Variants in KLHL3 observed in about 807,000 individuals in gnomAD.
KLHL3 encodes kelch like family member 3.
Under a neutral mutation model 70.5 loss-of-function variants are expected in KLHL3, and 19 were observed. The observed-to-expected ratio is 0.27, with a 90% CI of 0.19 to 0.40. The LOEUF is 0.40. Ranked by LOEUF, KLHL3 falls within the 10% of genes least tolerant of loss-of-function variation. The probability of loss-of-function intolerance (pLI) is 1.00; values close to 1 mark genes in which losing one functional copy is unlikely to be tolerated. For missense variants in KLHL3, 512 were observed against 771.1 expected (o/e 0.66, Z 3.98); for synonymous variants, 258 against 290.3 (o/e 0.89, Z 1.13).
intron 6 of KLHL3, among the ~76,000 whole-genome samples, chr5:137,662,240 TACACACACACACACACACACACACAC>T (rs138942924): frequency 7.1e-6 from 1 of 141,768 alleles, no homozygotes; most frequent in Non-Finnish European, 1.5e-5. Context: ...ACACACACTC[TACACACACACACACACACACACACAC>T]ACACACACAC....
Position 137,683,422 on chromosome 5 carries a change from A to G in KLHL3, c.527-5768T>C, listed in dbSNP as rs548474155. ...AAAATGGAAACATTTTGGCAGGGTG[A>G]AAAAACAAAACCACAGAACTGCCTT... On this transcript the variant is annotated intron_variant, in intron 5 of 14. Coordinates refer to ENST00000309755, the MANE Select transcript of KLHL3 (RefSeq NM_017415.3). Among the ~76,000 whole-genome samples, 97 of 152,304 alleles carry G rather than the reference A, an allele frequency of 6.4e-4. 1 individual carries two copies. The highest frequency in any genetic ancestry group is 2.0e-3 in the African/African-American group (85 of 41,566).
rs377137146 is a variant in KLHL3, at chr5:137,688,003, T to C, written c.526+4282A>G. Among the ~76,000 whole-genome samples, 3 of 41,918 alleles carry C rather than the reference T, an allele frequency of 7.2e-5. 1 individual carries two copies. Among genetic ancestry groups the C allele is most frequent in the African/African-American group, 3.3e-4 (3 of 9,084 alleles). The allele number at this position is 41,918 out of a possible 152,430, so 27.5% of individuals were successfully genotyped here. ...AAGAGTCATCACCACTCCCTAATCT[T>C]AAGTACCCAGGGACACAAACACTTC... is the stretch of plus-strand genomic sequence containing the variant. On this transcript the variant is annotated intron_variant, in intron 5 of 14. Coordinates refer to ENST00000309755, the MANE Select transcript of KLHL3 (RefSeq NM_017415.3).
chr5:137,635,603 CCAGA>C (rs1265881482), intron 11 of KLHL3, among the ~76,000 whole-genome samples: 4 of 152,118 alleles, frequency 2.6e-5, no homozygotes, highest in Non-Finnish European at 5.9e-5. Context: ...GGAGAGGAAG[CCAGA>C]CAGTGTGGAG....
intron 8 of KLHL3, among the ~76,000 whole-genome samples, chr5:137,649,501 CTG>C (rs1751145585): frequency 2.0e-5 from 3 of 152,210 alleles, no homozygotes; most frequent in African/African-American, 7.2e-5. Context: ...CCTGAAATAA[CTG>C]CACCCCGACC....
At chr5:137,720,616 G>T (rs369865614) in intron 1 of KLHL3, 32 bp from the exon 2 acceptor site, 12 of 1,612,098 alleles carry the variant, frequency 7.4e-6, no homozygotes, top group African/African-American at 2.7e-5. Context: ...GAGGGAAAGA[G>T]AATCACTCAT....
intron 8 of KLHL3, among the ~76,000 whole-genome samples, chr5:137,651,353 T>A (rs1462879948): frequency 6.6e-6 from 1 of 152,202 alleles, no homozygotes; most frequent in Admixed American, 6.5e-5. Context: ...CAAAAAGCAA[T>A]GAAGCCATCA....
intron 6 of KLHL3, among the ~76,000 whole-genome samples, chr5:137,667,261 A>T (rs1191460651): frequency 6.6e-6 from 1 of 152,238 alleles, no homozygotes; most frequent in Non-Finnish European, 1.5e-5. Context: ...AAAGTTTGTC[A>T]ACCCCTGGTC....
At chr5:137,706,086 C>T (rs755930980) in intron 3 of KLHL3, 14 of 985,244 alleles carry the variant, frequency 1.4e-5, no homozygotes, top group South Asian at 4.7e-5. Flanking sequence ...GTCCACAGGA[C>T]AATGGTCAAG....
chr5:137,695,079 C>T (rs1027693877), intron 4 of KLHL3, among the ~76,000 whole-genome samples: 1 of 152,178 alleles, frequency 6.6e-6, no homozygotes, highest in African/African-American at 2.4e-5. Context: ...TCCCCCTTCC[C>T]CTCTTCCAAG....
intron 6 of KLHL3, among the ~76,000 whole-genome samples, chr5:137,674,246 T>C (rs1751831216): frequency 1.3e-5 from 2 of 152,128 alleles, no homozygotes; most frequent in South Asian, 4.1e-4. Flanking sequence ...TCAACAGCTA[T>C]TTTTTTAGTG....
At chr5:137,656,844 G>A (rs1204785453) in intron 8 of KLHL3, among the ~76,000 whole-genome samples, 1 of 152,244 alleles carries the variant, frequency 6.6e-6, no homozygotes, top group Non-Finnish European at 1.5e-5. Context: ...TAAAGACTCA[G>A]TTCAAATGCT....
intron 6 of KLHL3, among the ~76,000 whole-genome samples, chr5:137,671,092 A>T (rs1251690798): frequency 6.6e-6 from 1 of 152,114 alleles, no homozygotes; most frequent in African/African-American, 2.4e-5. Context: ...CTCACTCCTT[A>T]AATCTCTTCA....
chr5:137,649,725 A>G (rs1453704888), intron 8 of KLHL3, among the ~76,000 whole-genome samples: 1 of 152,254 alleles, frequency 6.6e-6, no homozygotes, highest in Non-Finnish European at 1.5e-5. Flanking sequence ...GGATAATTAC[A>G]GTTATGAAAA....
At position 137,696,074 on chromosome 5, in the gene KLHL3, G is replaced by GT. The variant is rs944596022; in HGVS notation, c.363+2212dup. On this transcript the variant is annotated intron_variant, in intron 4 of 14. Coordinates refer to ENST00000309755, the MANE Select transcript of KLHL3 (RefSeq NM_017415.3). ...ATTTTTCATGTGCAGGCCCCGTTTT[G>GT]TTTTTTTTTCTTCCTCAGATAACAT... Among the ~76,000 whole-genome samples, 21 of 151,496 alleles carry GT rather than the reference G, an allele frequency of 1.4e-4. 1 individual carries two copies. Among genetic ancestry groups the GT allele is most frequent in the Middle Eastern group, 3.4e-3 (1 of 294 alleles).
intron 6 of KLHL3, chr5:137,671,944 A>G (rs1751770318): frequency 6.6e-6 from 1 of 152,146 alleles, no homozygotes. Flanking sequence ...TTACTTCAAT[A>G]CAAACTTCCT....
At chr5:137,638,869 G>T in intron 10 of KLHL3, 84 bp downstream of exon 10, 1 of 1,291,240 alleles carries the variant, frequency 7.7e-7, no homozygotes, top group Non-Finnish European at 1.1e-6. Context: ...ACAGAAAGTT[G>T]GTCCAGAACT....
chr5:137,645,114 C>T (rs555200165), intron 8 of KLHL3, among the ~76,000 whole-genome samples: 5 of 152,120 alleles, frequency 3.3e-5, no homozygotes, highest in Non-Finnish European at 7.4e-5. Flanking sequence ...AACTCAACAT[C>T]CCTTCATAAT....
chr5:137,709,631 C>T, intron 3 of KLHL3, 119 bp downstream of exon 3: 1 of 765,796 alleles, frequency 1.3e-6, no homozygotes, highest in Admixed American at 2.1e-5. Context: ...GTAGAGAAGC[C>T]CCTCATAGTG....
chr5:137,734,863 A>G (rs1753235758), intron 1 of KLHL3, among the ~76,000 whole-genome samples: 1 of 152,216 alleles, frequency 6.6e-6, no homozygotes, highest in Non-Finnish European at 1.5e-5. Flanking sequence ...TGAAAGATTC[A>G]GATCTTCAGA....
Sources: allele counts gnomAD v4.1 joint callset (sites outside exome capture counted in the v4.1 genomes callset), GRCh38; gene constraint gnomAD v4.1.1; transcripts MANE v1.5; gene names NCBI Gene and HGNC (gene_info 2026-07-23, HGNC 2026-07-21).